The following CRY2 variants were observed in gnomAD, a reference collection of about 807,000 sequenced individuals.
The protein encoded by CRY2 is cryptochrome circadian regulator 2.
CRY2 carries 31 observed loss-of-function variants against 69.5 expected under a neutral mutation model. That is an observed-to-expected ratio of 0.45 (90% confidence interval 0.34 to 0.60). CRY2 has a LOEUF of 0.60. CRY2 is among the 20% of genes least tolerant of loss of function. The pLI is 0.02. For missense variants in CRY2, 606 were observed against 797.8 expected (o/e 0.76, Z 2.90); for synonymous variants, 303 against 312.2 (o/e 0.97, Z 0.31).
intron 11 of CRY2, among the ~76,000 whole-genome samples, chr11:45,879,229 CAA>C (rs148530444): frequency 2.9e-5 from 4 of 138,224 alleles, no homozygotes; most frequent in African/African-American, 5.3e-5. Context: ...AACTCTGTCT[CAA>C]AAAAAAAAAA....
At position 45,860,002 on chromosome 11, in the gene CRY2, G is replaced by T. The variant is rs371229608; in HGVS notation, c.468-846G>T. ...CGACCATATATCTCCACTAACGTGG[G>T]GAGAGCAAACTGAGAAATGAACTCA... On this transcript the variant is annotated intron_variant, in intron 3 of 11. Coordinates refer to ENST00000616080, the MANE Select transcript of CRY2 (RefSeq NM_021117.5). 1.4e-3 allele frequency among the ~76,000 whole-genome samples: 211 copies of T among 152,274 alleles called. 4 individuals carry two copies. The South Asian group carries it at 0.041, about 30-fold the overall frequency.
At position 45,869,536 on chromosome 11, in the gene CRY2, C is replaced by T; in HGVS notation, c.913C>T (p.Leu305=). 1.2e-6 allele frequency: 2 copies of T among 1,613,562 alleles called. No homozygotes were observed. The highest frequency in any genetic ancestry group is 1.7e-6 in the Non-Finnish European group (2 of 1,179,640). ...VKRNSTPPLS[L]FGQLLWREFF... Reference sequence around the variant, plus strand: ...GCGGAACAGCACACCTCCCCTCTCCCTATTTGGGCAACTCCTATGGCGAGA... The same window carrying T: ...GCGGAACAGCACACCTCCCCTCTCCTTATTTGGGCAACTCCTATGGCGAGA... Residue 305 remains leucine, a synonymous_variant, in exon 7 of 12, where the codon CTA becomes TTA. Coordinates refer to ENST00000616080, the MANE Select transcript of CRY2 (RefSeq NM_021117.5).
intron 11 of CRY2, among the ~76,000 whole-genome samples, chr11:45,872,804 G>A (rs75733210): frequency 0.018 from 2,786 of 152,272 alleles, 86 homozygotes; most frequent in African/African-American, 0.063. Context: ...TGAGACCTGC[G>A]TGTGAAGCAG....
In CRY2 at chr11:45,867,769, T is replaced by C; in HGVS notation, c.882+17T>C. Reference sequence around the variant, plus strand: ...TATAAAAAGGTAAGGGGGACATACCTGCCCACATTGCACCTAAGGCCTGCA... The same window carrying C: ...TATAAAAAGGTAAGGGGGACATACCCGCCCACATTGCACCTAAGGCCTGCA... On this transcript the variant is annotated intron_variant, in intron 6 of 11. Transcript: ENST00000616080. 1 of 1,614,024 alleles carries C rather than the reference T, an allele frequency of 6.2e-7. No individual in the cohort carries two copies. Among genetic ancestry groups the C allele is most frequent in the Non-Finnish European group, 8.5e-7 (1 of 1,179,988 alleles).
intron 5 of CRY2, among the ~76,000 whole-genome samples, chr11:45,864,899 A>G (rs2086317621): frequency 6.6e-6 from 1 of 152,078 alleles, no homozygotes; most frequent in African/African-American, 2.4e-5. Context: ...AGCTGGGATT[A>G]CAGGCTCCCA....
chr11:45,869,673 T>C lies in CRY2; in HGVS notation c.1050T>C (p.Ala350=). 1 of 1,614,260 alleles carries C rather than the reference T, an allele frequency of 6.2e-7. No homozygotes were observed. The highest frequency in any genetic ancestry group is 2.2e-5 in the East Asian group (1 of 44,886). ...ATCCTGAGGCCCTGGCCAAGTGGGC[T>C]GAGGGCAAGACAGGCTTCCCTTGGA... ...DRNPEALAKW[A]EGKTGFPWID... Residue 350 remains alanine, a synonymous_variant, in exon 7 of 12, where the codon GCT becomes GCC. Coordinates refer to ENST00000616080, the MANE Select transcript of CRY2 (RefSeq NM_021117.5).
chr11:45,850,201 G>A (rs1390642317), intron 1 of CRY2, among the ~76,000 whole-genome samples: 1 of 151,762 alleles, frequency 6.6e-6, no homozygotes, highest in Admixed American at 6.6e-5. Context: ...TAGAGATGGG[G>A]TTTCACCATG....
rs781640514 is a variant in CRY2, at chr11:45,855,963, G to A, written c.216-19G>A. 1.7e-5 allele frequency: 27 copies of A among 1,585,326 alleles called. No individual in the cohort carries two copies. Among genetic ancestry groups the A allele is most frequent in the Non-Finnish European group, 2.1e-5 (24 of 1,154,120 alleles). On this transcript the variant is annotated intron_variant, in intron 1 of 11. Coordinates refer to ENST00000616080, the MANE Select transcript of CRY2 (RefSeq NM_021117.5). ...TCTTCATGATGTTATCACTAACAAG[G>A]CCTGTGTGGACTCCACAGGTTCCTA...
At chr11:45,870,585 CAG>C (rs1351748967) in intron 9 of CRY2, 53 bp downstream of exon 9, 44 of 1,592,318 alleles carry the variant, frequency 2.8e-5, no homozygotes, top group Non-Finnish European at 3.3e-5. Flanking sequence ...CCTACAGGCT[CAG>C]GGGGCCAGAT....
At chr11:45,847,310 C>A, upstream of CRY2, 1 of 1,574,148 alleles carries the variant, frequency 6.4e-7, no homozygotes, top group Non-Finnish European at 8.6e-7. Flanking sequence ...GGGCCTGTTC[C>A]GGCGCCTCTG....
At chr11:45,871,044 C>T in intron 10 of CRY2, 110 bp downstream of exon 10, 2 of 842,464 alleles carry the variant, frequency 2.4e-6, no homozygotes, top group Non-Finnish European at 3.7e-6. Flanking sequence ...TTATATTCCA[C>T]CTGGGGCAGT....
intron 1 of CRY2, among the ~76,000 whole-genome samples, chr11:45,848,322 G>T (rs1257803120): frequency 1.3e-5 from 2 of 152,188 alleles, no homozygotes; most frequent in Non-Finnish European, 1.5e-5. Context: ...GTCTTCAGGT[G>T]GAGTCGCTTT....
rs767166346 is a variant in CRY2, at chr11:45,860,999, G to A, written c.619G>A (p.Glu207Lys). Residue 207 changes from glutamate (E) to lysine (K), a missense_variant, in exon 4 of 12, where the codon GAG (glutamate) becomes AAG (lysine). Transcript: ENST00000616080. ...GGCCGAGATCCAGGAGAACCACGAC[G>A]AGACCTACGGCGTGCCCTCCCTGGA... ...CRAEIQENHD[E>K]TYGVPSLEEL... is the part of the protein sequence containing the mutation. 3.1e-6 allele frequency: 5 copies of A among 1,613,646 alleles called. No homozygotes were observed. Among genetic ancestry groups the A allele is most frequent in the Admixed American group, 3.3e-5 (2 of 60,024 alleles).
intron 4 of CRY2, 127 bp from the exon 5 acceptor site, chr11:45,861,933 A>G: frequency 1.3e-6 from 1 of 785,338 alleles, no homozygotes. Flanking sequence ...TTTAAGGATT[A>G]TCTAACCCCC....
At chr11:45,847,404 G>C, upstream of CRY2, 1 of 1,594,328 alleles carries the variant, frequency 6.3e-7, no homozygotes, top group South Asian at 1.1e-5. Flanking sequence ...TGGAGTTGCG[G>C]CGTCATAGGT....
At chr11:45,874,985 T>C (rs909179535) in intron 11 of CRY2, among the ~76,000 whole-genome samples, 1 of 151,996 alleles carries the variant, frequency 6.6e-6, no homozygotes, top group Non-Finnish European at 1.5e-5. Context: ...ATGAAAACAA[T>C]AAAATAAAGT....
chr11:45,854,738 T>C (rs946217873), intron 1 of CRY2, among the ~76,000 whole-genome samples: 1 of 152,104 alleles, frequency 6.6e-6, no homozygotes, highest in Admixed American at 6.5e-5. Context: ...AAATGTGGGT[T>C]TCAGAGTGAC....
rs532357748 is a variant in CRY2, at chr11:45,865,941, C to A, written c.742-1671C>A. The stretch of plus-strand genomic sequence containing the variant: ...GGGGATGGGAGTGGACGCAGGGAGG[C>A]CAGTCAGGAGGCTGCCACAGTTGTC... On this transcript the variant is annotated intron_variant, in intron 5 of 11. Transcript: ENST00000616080. 5.3e-5 allele frequency among the ~76,000 whole-genome samples: 8 copies of A among 152,278 alleles called. No individual in the cohort carries two copies. The South Asian group carries it at 1.7e-3, about 32-fold the overall frequency.
chr11:45,860,765 G>C (rs2086281148), intron 3 of CRY2, 83 bp from the exon 4 acceptor site: 3 of 1,486,482 alleles, frequency 2.0e-6, no homozygotes, highest in Non-Finnish European at 2.8e-6. Context: ...AAAGCCTTCA[G>C]AGTCTGGGTT....
Sources: allele counts gnomAD v4.1 joint callset (sites outside exome capture counted in the v4.1 genomes callset), GRCh38; gene constraint gnomAD v4.1.1; transcripts MANE v1.5; gene names NCBI Gene and HGNC (gene_info 2026-07-23, HGNC 2026-07-21).